Variants in ANKRD62 observed in about 807,000 individuals in gnomAD.
The protein encoded by ANKRD62 is ankyrin repeat domain 62, also known as ankyrin repeat domain-containing protein 62.
ANKRD62 carries 61 observed loss-of-function variants against 98.8 expected under a neutral mutation model. That is an observed-to-expected ratio of 0.62 (90% CI 0.50 to 0.76). The LOEUF (loss-of-function observed/expected upper bound fraction) is 0.76. ANKRD62 is among the 30% of genes least tolerant of loss of function. The pLI is 0.00. For synonymous variants in ANKRD62, 341 were observed against 367.9 expected, an observed-to-expected ratio of 0.93 and a Z score of 0.84; for missense variants, 933 against 1,082.9, an observed-to-expected ratio of 0.86 and a Z score of 1.94.
At chr18:12,094,315 C>G (rs964969356) in intron 1 of ANKRD62, 80 bp downstream of exon 1, 5 of 907,378 alleles carry the variant, frequency 5.5e-6, no homozygotes, top group East Asian at 7.6e-5. Context: ...AGGGGAGATA[C>G]GGTGTGGGGT....
At chr18:12,171,188 A>C in the ANKRD62 span, among the ~76,000 whole-genome samples, 5 of 152,216 alleles carry the variant, frequency 3.3e-5, no homozygotes, top group Admixed American at 6.5e-5. Flanking sequence ...TTATGATGTT[A>C]GCTGGTTATT....
the ANKRD62 span, among the ~76,000 whole-genome samples, chr18:12,135,872 C>T: frequency 1.3e-5 from 2 of 151,782 alleles, no homozygotes; most frequent in East Asian, 1.9e-4. Flanking sequence ...TATCCTTTGC[C>T]CACTTTTTGA....
the ANKRD62 span, among the ~76,000 whole-genome samples, chr18:12,136,291 T>G: frequency 6.6e-6 from 1 of 152,058 alleles, no homozygotes; most frequent in African/African-American, 2.4e-5. Context: ...CACCATTTAT[T>G]AAATAGGGAA....
At chr18:12,138,078 CT>C in the ANKRD62 span, among the ~76,000 whole-genome samples, 4 of 151,930 alleles carry the variant, frequency 2.6e-5, no homozygotes, top group Non-Finnish European at 4.4e-5. Flanking sequence ...TATTTCTTGC[CT>C]TCTGCTAGCT....
At chr18:12,131,365 G>C (rs1186999267), downstream of ANKRD62, among the ~76,000 whole-genome samples, 1 of 152,150 alleles carries the variant, frequency 6.6e-6, no homozygotes, top group Admixed American at 6.5e-5. Flanking sequence ...TGAATGGGTT[G>C]CTTGGTTAAC....
chr18:12,104,878 T>A (rs1909379951), intron 7 of ANKRD62, among the ~76,000 whole-genome samples: 1 of 152,182 alleles, frequency 6.6e-6, no homozygotes, highest in South Asian at 2.1e-4. Flanking sequence ...TGATTTTTAT[T>A]TAAATGAAAA....
chr18:12,173,979 T>C, the ANKRD62 span, among the ~76,000 whole-genome samples: 1 of 152,186 alleles, frequency 6.6e-6, no homozygotes, highest in Non-Finnish European at 1.5e-5. Flanking sequence ...TTTGGGGTGG[T>C]CTTCCTATGG....
At chr18:12,108,570 G>C (rs140430256) in intron 8 of ANKRD62, among the ~76,000 whole-genome samples, 1 of 152,160 alleles carries the variant, frequency 6.6e-6, no homozygotes, top group African/African-American at 2.4e-5. Context: ...ATTCCACCCT[G>C]GCCCCTTTCA....
At chr18:12,125,063 G>GC in intron 12 of ANKRD62, among the ~76,000 whole-genome samples, 2 of 152,274 alleles carry the variant, frequency 1.3e-5, no homozygotes, top group South Asian at 4.1e-4. Context: ...TATCTGCAGA[G>GC]CTAAGACTCT....
At chr18:12,116,280 C>T (rs895191365) in intron 10 of ANKRD62, among the ~76,000 whole-genome samples, 1 of 152,098 alleles carries the variant, frequency 6.6e-6, no homozygotes, top group Non-Finnish European at 1.5e-5. Flanking sequence ...AAAAAGTGTA[C>T]TATTTCCATC....
chr18:12,139,990 T>G, the ANKRD62 span, among the ~76,000 whole-genome samples: 1 of 152,222 alleles, frequency 6.6e-6, no homozygotes, highest in Non-Finnish European at 1.5e-5. Flanking sequence ...ACACCAATGA[T>G]ATGTAGATTT....
the ANKRD62 span, among the ~76,000 whole-genome samples, chr18:12,135,689 T>C: frequency 6.6e-6 from 1 of 151,896 alleles, no homozygotes; most frequent in South Asian, 2.1e-4. Context: ...TTTCTCCACA[T>C]CCTCTCCAGC....
At chr18:12,115,343 T>C in intron 9 of ANKRD62, 50 bp from the exon 10 acceptor site, 23 of 1,471,430 alleles carry the variant, frequency 1.6e-5, no homozygotes, top group Non-Finnish European at 2.1e-5. Flanking sequence ...ATTTAGTATA[T>C]GCTATAAATA....
chr18:12,103,136 A>G, intron 6 of ANKRD62, 22 bp from the exon 7 acceptor site: 1 of 1,362,936 alleles, frequency 7.3e-7, no homozygotes, highest in African/African-American at 1.5e-5. Context: ...CATTTTAACT[A>G]AATATATGGA....
At chr18:12,173,990 G>T in the ANKRD62 span, among the ~76,000 whole-genome samples, 1 of 152,010 alleles carries the variant, frequency 6.6e-6, no homozygotes, top group Non-Finnish European at 1.5e-5. Flanking sequence ...CTTCCTATGG[G>T]GTATCTTACT....
At chr18:12,152,979 G>A in the ANKRD62 span, among the ~76,000 whole-genome samples, 2 of 152,152 alleles carry the variant, frequency 1.3e-5, no homozygotes, top group African/African-American at 2.4e-5. Flanking sequence ...CAAAATCAGT[G>A]TACAAAAATA....
chr18:12,113,188 C>T (rs962904273), intron 8 of ANKRD62, among the ~76,000 whole-genome samples: 2 of 152,110 alleles, frequency 1.3e-5, no homozygotes, highest in African/African-American at 4.8e-5. Flanking sequence ...AGCCGCTGCT[C>T]CAGGCCAAGA....
the ANKRD62 span, among the ~76,000 whole-genome samples, chr18:12,163,861 A>T: frequency 1.3e-5 from 2 of 152,014 alleles, no homozygotes; most frequent in African/African-American, 4.8e-5. Flanking sequence ...CCTGGGATAA[A>T]TTTCACTTGG....
chr18:12,095,622 C>A lies in ANKRD62; in HGVS notation c.507+12C>A. ...AAGCAAGAAGCCAGGTATGATCAAC[C>A]AATGTTCTTTTCAAAGTATTTCAAG... On this transcript the variant is annotated intron_variant, in intron 3 of 13. Coordinates refer to ENST00000587848, the MANE Select transcript of ANKRD62 (RefSeq NM_001277333.2). 1.4e-6 allele frequency: 2 copies of A among 1,475,740 alleles called. No homozygotes were observed. The highest frequency in any genetic ancestry group is 1.4e-5 in the South Asian group (1 of 73,132). The allele number at this position is 1,475,740 out of a possible 1,614,324, so 91.4% of individuals were successfully genotyped here.
Sources: allele counts gnomAD v4.1 joint callset (sites outside exome capture counted in the v4.1 genomes callset), GRCh38; gene constraint gnomAD v4.1.1; transcripts MANE v1.5; gene names NCBI Gene and HGNC (gene_info 2026-07-23, HGNC 2026-07-21).